Variants in ACOT11 observed in about 807,000 individuals in gnomAD.
ACOT11 encodes the protein acyl-CoA thioesterase 11, also known as acyl-coenzyme A thioesterase 11.
In ACOT11, 69 loss-of-function variants were observed where a neutral mutation model predicts 77.5. The observed-to-expected ratio is 0.89, with a 90% CI of 0.73 to 1.09. The LOEUF is 1.09. ACOT11 is among the 50% of genes least tolerant of loss of function. The probability of loss-of-function intolerance (pLI) is 0.00; values close to 1 mark genes in which losing one functional copy is unlikely to be tolerated. For synonymous variants in ACOT11, 279 were observed against 313.0 expected (o/e 0.89, Z 1.15); for missense variants, 766 against 813.7 (o/e 0.94, Z 0.71).
chr1:54,572,513 G>C (rs540914304), intron 1 of ACOT11, among the ~76,000 whole-genome samples: 1 of 152,278 alleles, frequency 6.6e-6, no homozygotes, highest in African/African-American at 2.4e-5. Flanking sequence ...GTGGCATGGG[G>C]GTGACTGCCT....
In ACOT11 at chr1:54,592,600, C is replaced by A. The variant is rs757462544; in HGVS notation, c.366C>A (p.Ser122Arg). 1 of 1,613,326 alleles carries A rather than the reference C, an allele frequency of 6.2e-7. No homozygotes were observed. Among genetic ancestry groups the A allele is most frequent in the Non-Finnish European group, 8.5e-7 (1 of 1,179,684 alleles). The change falls in exon 4 of 16, where the codon AGC becomes AGA. Residue 122 changes from serine (S) to arginine (R), a missense_variant. Transcript: ENST00000343744. Reference protein sequence around the residue: ...KAKVNRAFNSSMEVGIQVASE... With the variant: ...KAKVNRAFNSRMEVGIQVASE... ...AGGTGAACCGGGCCTTCAACTCCAG[C>A]ATGGAGGTGTGTGGGGTGGGCACTG...
chr1:54,596,472 A>T (rs546271922), intron 6 of ACOT11, among the ~76,000 whole-genome samples: 31 of 152,340 alleles, frequency 2.0e-4, no homozygotes, highest in Non-Finnish European at 3.5e-4. Flanking sequence ...CCTACTAAGG[A>T]TATTCTAACA....
At chr1:54,581,591 G>A (rs1654311456) in intron 1 of ACOT11, among the ~76,000 whole-genome samples, 1 of 152,194 alleles carries the variant, frequency 6.6e-6, no homozygotes, top group Non-Finnish European at 1.5e-5. Context: ...GCATTATCAA[G>A]TCTGGCCAGG....
chr1:54,616,063 T>C (rs748730950), intron 15 of ACOT11: 3 of 1,614,120 alleles, frequency 1.9e-6, no homozygotes, highest in Non-Finnish European at 2.5e-6. Context: ...ACTGCTCCAG[T>C]GTGTTGTCAC....
downstream of ACOT11, chr1:54,611,671 G>GTGTTATCCC: frequency 6.2e-7 from 1 of 1,614,114 alleles, no homozygotes. Context: ...GTGGACAGCA[G>GTGTTATCCC]TGTTATCCCG....
At position 54,585,848 on chromosome 1, in the gene ACOT11, T is replaced by C; in HGVS notation, c.255T>C (p.Ala85=). 1 of 1,614,112 alleles carries C rather than the reference T, an allele frequency of 6.2e-7. No individual in the cohort carries two copies. Among genetic ancestry groups the C allele is most frequent in the South Asian group, 1.1e-5 (1 of 91,088 alleles). ...TGCTGACACCAGCGGAGAGGCACGC[T>C]GGCTGCCCCTGTGTCACAGCTTCCA... ...TTACLSAERH[A]GCPCVTASMD... The change falls in exon 3 of 16, where the codon GCT becomes GCC. Residue 85 remains alanine, a synonymous_variant. Transcript: ENST00000343744.
intron 1 of ACOT11, among the ~76,000 whole-genome samples, chr1:54,555,237 G>A (rs1653219677): frequency 6.6e-6 from 1 of 152,196 alleles, no homozygotes; most frequent in South Asian, 2.1e-4. Flanking sequence ...GGGATTACAG[G>A]CGTGAGCCAC....
intron 4 of ACOT11, 148 bp downstream of exon 4, chr1:54,592,754 G>C: frequency 1.3e-6 from 1 of 780,122 alleles, no homozygotes; most frequent in Non-Finnish European, 1.9e-6. Context: ...GCAGAGCAAG[G>C]GGAATCCCAA....
intron 15 of ACOT11, among the ~76,000 whole-genome samples, chr1:54,616,406 C>CA (rs771773427): frequency 2.6e-5 from 4 of 151,816 alleles, no homozygotes; most frequent in Non-Finnish European, 4.4e-5. Context: ...CTCTATCGCC[C>CA]AGGCTGGAGT....
At position 54,551,727 on chromosome 1, in the gene ACOT11, GTTTTGTTTTGTTTTTGTTTTTGT is replaced by G. The variant is rs1299947837; in HGVS notation, c.33+3395_33+3417del. 2.0e-5 allele frequency among the ~76,000 whole-genome samples: 3 copies of G among 149,488 alleles called. No homozygotes were observed. In the East Asian group the frequency reaches 5.8e-4, roughly 29 times the overall value. On this transcript the variant is annotated intron_variant, in intron 1 of 15. Transcript: ENST00000343744. ...CTGTTTTTGTTTTGTTTTTGTTTTTGTTTTGTTTTGTTTTTGTTTTTGTTTTTGTTTTTGTTTTTGTTTTGAGA... is the reference window on the plus strand; with the variant it reads ...CTGTTTTTGTTTTGTTTTTGTTTTTGTTTTGTTTTTGTTTTTGTTTTGAGA...
In ACOT11 at chr1:54,626,681, A is replaced by G. The variant is rs555094437; in HGVS notation, c.1630-4053A>G. On this transcript the variant is annotated intron_variant, in intron 15 of 16. Coordinates refer to the ACOT11 transcript ENST00000371316. ...TATTCACACCCATTTACAATGGGAC[A>G]GTCACTTATTTTGGCAAGAATATTT... Among the ~76,000 whole-genome samples the G allele has an allele frequency of 4.6e-4, 38 of 82,700 alleles. 5 individuals carry two copies. The highest frequency in any genetic ancestry group is 1.2e-3 in the African/African-American group (38 of 31,108). 54.3% of individuals were successfully genotyped at this position (82,700 alleles called of 152,430 possible).
exon 17 of ACOT11, chr1:54,637,148 C>T (rs2101037447): frequency 6.6e-6 from 1 of 152,328 alleles, no homozygotes; most frequent in South Asian, 2.1e-4. Context: ...GCTCTGAAGG[C>T]TGTGAGACCC....
At chr1:54,555,085 A>C (rs1653214983) in intron 1 of ACOT11, among the ~76,000 whole-genome samples, 1 of 152,044 alleles carries the variant, frequency 6.6e-6, no homozygotes, top group South Asian at 2.1e-4. Context: ...CAGCCTCCCA[A>C]ATAGCTGGGA....
intron 1 of ACOT11, among the ~76,000 whole-genome samples, chr1:54,562,553 C>T (rs1487746698): frequency 1.4e-5 from 2 of 141,954 alleles, no homozygotes; most frequent in Non-Finnish European, 3.2e-5. Flanking sequence ...TGACCCACCC[C>T]CCACCTCCCT....
At chr1:54,589,308 T>G (rs950085875) in intron 3 of ACOT11, among the ~76,000 whole-genome samples, 1 of 149,882 alleles carries the variant, frequency 6.7e-6, no homozygotes, top group East Asian at 2.0e-4. Flanking sequence ...TGAGCCACCA[T>G]GCCTGGCCCT....
At chr1:54,637,669 C>T (rs895524464) in exon 17 of ACOT11, 1 of 152,078 alleles carries the variant, frequency 6.6e-6, no homozygotes, top group Non-Finnish European at 1.5e-5. Context: ...TGCCTGTAAT[C>T]ACAGCTGCTT....
downstream of ACOT11, chr1:54,610,805 T>G: frequency 5.1e-6 from 5 of 984,784 alleles, no homozygotes; most frequent in Non-Finnish European, 6.0e-6. Flanking sequence ...AGAGCTGGTA[T>G]CCTTCCCGCT....
intron 1 of ACOT11, among the ~76,000 whole-genome samples, chr1:54,583,728 ATG>A (rs1333602681): frequency 6.6e-6 from 1 of 152,274 alleles, no homozygotes; most frequent in African/African-American, 2.4e-5. Context: ...TTGTAAAATT[ATG>A]TGACACCTAA....
chr1:54,569,034 C>G (rs1653839988), intron 1 of ACOT11, among the ~76,000 whole-genome samples: 1 of 151,564 alleles, frequency 6.6e-6, no homozygotes, highest in African/African-American at 2.4e-5. Context: ...TTACTTGAGC[C>G]TGGGAGGTCA....
Sources: gnomAD v4.1 joint callset for allele counts (sites outside exome capture counted in the v4.1 genomes callset) on GRCh38, gnomAD v4.1.1 for gene constraint, MANE v1.5 for transcripts, NCBI Gene and HGNC (gene_info 2026-07-23, HGNC 2026-07-21) for gene names.